KCNMB2: variants seen among roughly 807,000 people sequenced by gnomAD.
KCNMB2 encodes the protein calcium-activated potassium channel subunit beta-2.
A neutral mutation model predicts 24.5 loss-of-function variants in KCNMB2; 9 were observed. The observed-to-expected ratio is 0.37, with a 90% CI of 0.22 to 0.64. The LOEUF is 0.64. KCNMB2 is among the 30% of genes least tolerant of loss of function. KCNMB2 has a pLI of 0.63. For missense variants in KCNMB2, 226 were observed against 284.3 expected (o/e 0.79, Z 1.47); for synonymous variants, 109 against 104.4 (o/e 1.04, Z -0.27).
intron 1 of KCNMB2, chr3:178,756,944 T>A (rs1479005733): frequency 6.6e-6 from 1 of 151,854 alleles, no homozygotes; most frequent in African/African-American, 2.4e-5. Flanking sequence ...GGGAGCGATT[T>A]TAAAGAGAAA....
chr3:178,765,636 C>T (rs115867157), intron 1 of KCNMB2, among the ~76,000 whole-genome samples: 1 of 151,676 alleles, frequency 6.6e-6, no homozygotes, highest in Non-Finnish European at 1.5e-5. Flanking sequence ...TGTGCACGCG[C>T]GTGTGCATGT....
intron 1 of KCNMB2, among the ~76,000 whole-genome samples, chr3:178,754,177 T>TAGAC (rs1435109631): frequency 8.5e-6 from 1 of 117,228 alleles, no homozygotes; most frequent in South Asian, 2.9e-4. Context: ...TATATATATA[T>TAGAC]ACACACACAC....
At chr3:178,834,569 G>C (rs1577224407) in intron 4 of KCNMB2, among the ~76,000 whole-genome samples, 3 of 152,218 alleles carry the variant, frequency 2.0e-5, no homozygotes, top group Admixed American at 2.0e-4. Flanking sequence ...CCATAGGTAA[G>C]ATTAGGACTG....
intron 1 of KCNMB2, among the ~76,000 whole-genome samples, chr3:178,649,535 C>T (rs1339046238): frequency 6.6e-6 from 1 of 151,814 alleles, no homozygotes; most frequent in African/African-American, 2.4e-5. Context: ...TTAATTACTG[C>T]CTCAATTTTA....
chr3:178,813,789 C>T (rs748051282), intron 2 of KCNMB2, among the ~76,000 whole-genome samples: 59 of 152,122 alleles, frequency 3.9e-4, no homozygotes, highest in African/African-American at 1.4e-3. Context: ...AAATTGTATT[C>T]TATTTTCTCC....
rs186880230 is a variant in KCNMB2 at position 178,697,847 on chromosome 3, T to C, written c.-67-109496T>C. ...GCTTGTCAGAAAAGAATCTTATTTCTCCTTCTCTTATGAAGCTTAGTTTAG... is the reference window on the plus strand; with the variant it reads ...GCTTGTCAGAAAAGAATCTTATTTCCCCTTCTCTTATGAAGCTTAGTTTAG... On this transcript the variant is annotated intron_variant, in intron 1 of 4. Coordinates refer to ENST00000452583, the MANE Select transcript of KCNMB2 (RefSeq NM_181361.3). Among the ~76,000 whole-genome samples, 368 of 152,304 alleles carry C rather than the reference T, an allele frequency of 2.4e-3. 2 individuals carry two copies. Among genetic ancestry groups the C allele is most frequent in the African/African-American group, 7.8e-3 (323 of 41,568 alleles).
intron 1 of KCNMB2, among the ~76,000 whole-genome samples, chr3:178,573,228 C>T (rs980643646): frequency 6.6e-6 from 1 of 151,990 alleles, no homozygotes; most frequent in South Asian, 2.1e-4. Context: ...AGGCTAGTCT[C>T]GAATTCCTGA....
chr3:178,729,603 T>G (rs148472644), intron 1 of KCNMB2, among the ~76,000 whole-genome samples: 10 of 152,328 alleles, frequency 6.6e-5, no homozygotes, highest in Non-Finnish European at 1.0e-4. Context: ...AGGTCAAAGA[T>G]TCCTGCCAAA....
At chr3:178,661,126 G>GTC (rs1309778660) in intron 1 of KCNMB2, among the ~76,000 whole-genome samples, 4 of 151,954 alleles carry the variant, frequency 2.6e-5, no homozygotes, top group Admixed American at 2.0e-4. Context: ...TCCTAATGCT[G>GTC]TCCCTCCCCT....
At chr3:178,774,901 C>G (rs1381133761) in intron 1 of KCNMB2, among the ~76,000 whole-genome samples, 1 of 152,120 alleles carries the variant, frequency 6.6e-6, no homozygotes, top group East Asian at 1.9e-4. Context: ...CAGTATTTTC[C>G]TTGTTCCTTT....
At chr3:178,781,354 G>A (rs1015199358) in intron 1 of KCNMB2, among the ~76,000 whole-genome samples, 5 of 152,032 alleles carry the variant, frequency 3.3e-5, no homozygotes, top group African/African-American at 1.2e-4. Context: ...CACTTTGGGA[G>A]GCTGAGGTGG....
intron 1 of KCNMB2, among the ~76,000 whole-genome samples, chr3:178,563,490 C>T (rs1560109921): frequency 6.6e-6 from 1 of 152,058 alleles, no homozygotes. Context: ...AGATGGTTCT[C>T]GAAGGTAGCT....
chr3:178,758,315 G>GAT (rs538386998), intron 1 of KCNMB2, among the ~76,000 whole-genome samples: 2 of 7,262 alleles, frequency 2.8e-4, no homozygotes, highest in East Asian at 2.5e-3. Flanking sequence ...TCTCCAAGGG[G>GAT]ATATATATAT....
chr3:178,829,543 C>T (rs1165708140), intron 4 of KCNMB2, among the ~76,000 whole-genome samples: 1 of 152,056 alleles, frequency 6.6e-6, no homozygotes, highest in African/African-American at 2.4e-5. Flanking sequence ...TTGTAGTAGC[C>T]ACAAATAATA....
intron 2 of KCNMB2, chr3:178,824,543 ATTT>A (rs75113592): frequency 0.28 from 43,120 of 152,390 alleles, 7,455 homozygotes; most frequent in African/African-American, 0.52. Flanking sequence ...AATTTTTTGT[ATTT>A]TTTTTTTTTA....
intron 1 of KCNMB2, among the ~76,000 whole-genome samples, chr3:178,712,300 T>A (rs1048436193): frequency 6.6e-6 from 1 of 152,218 alleles, no homozygotes; most frequent in African/African-American, 2.4e-5. Flanking sequence ...AATTTACCTG[T>A]TATTTTGGAT....
At chr3:178,558,666 G>A (rs1260808986) in intron 1 of KCNMB2, 1 of 152,044 alleles carries the variant, frequency 6.6e-6, no homozygotes, top group Admixed American at 6.6e-5. Flanking sequence ...CAGTAAAATA[G>A]AGGAGCGTTG....
chr3:178,672,736 G>A (rs954213518), intron 1 of KCNMB2, among the ~76,000 whole-genome samples: 1 of 152,112 alleles, frequency 6.6e-6, no homozygotes, highest in African/African-American at 2.4e-5. Flanking sequence ...TTTTACTAGG[G>A]AAGTTCTTTA....
Position 178,691,646 on chromosome 3 carries a change from C to G in KCNMB2, c.-67-115697C>G, listed in dbSNP as rs146793008. 1.1e-3 allele frequency among the ~76,000 whole-genome samples: 173 copies of G among 152,302 alleles called. 2 individuals carry two copies. The East Asian group carries it at 0.018, about 16-fold the overall frequency. ...TGTGTATGTACCACATGTTATTTAT[C>G]CAGTCTATCATTGGTGGGCATTTAT... On this transcript the variant is annotated intron_variant, in intron 1 of 4. Transcript: ENST00000452583.
Sources: gnomAD v4.1 joint callset for allele counts (sites outside exome capture counted in the v4.1 genomes callset) on GRCh38, gnomAD v4.1.1 for gene constraint, MANE v1.5 for transcripts, NCBI Gene and HGNC (gene_info 2026-07-23, HGNC 2026-07-21) for gene names.